SLC30A4: variants seen among roughly 807,000 people sequenced by gnomAD.
The protein encoded by SLC30A4 is probable proton-coupled zinc antiporter SLC30A4.
In SLC30A4, 20 loss-of-function variants were observed where a neutral mutation model predicts 41.7. The observed-to-expected ratio is 0.48, with a 90% confidence interval of 0.34 to 0.70. The LOEUF (loss-of-function observed/expected upper bound fraction) is 0.70, where lower values mean the gene tolerates loss of function less well. Ranked by LOEUF, SLC30A4 falls within the 30% of genes least tolerant of loss-of-function variation. The pLI is 0.01. For missense variants in SLC30A4, 441 were observed against 529.3 expected (o/e 0.83, Z 1.64); for synonymous variants, 181 against 195.9 (o/e 0.92, Z 0.64).
At chr15:45,490,403 A>C (rs112225224) in intron 4 of SLC30A4, among the ~76,000 whole-genome samples, 5 of 152,308 alleles carry the variant, frequency 3.3e-5, no homozygotes, top group African/African-American at 1.2e-4. Flanking sequence ...TTAAACTTTC[A>C]AAACTTTCTT....
intron 3 of SLC30A4, among the ~76,000 whole-genome samples, chr15:45,500,651 T>C (rs181516229): frequency 7.3e-5 from 11 of 151,414 alleles, no homozygotes; most frequent in Non-Finnish European, 4.4e-5. Context: ...TATCTATCTA[T>C]CTATCTATCT....
chr15:45,494,593 A>G (rs1891874395), intron 3 of SLC30A4, among the ~76,000 whole-genome samples: 1 of 152,118 alleles, frequency 6.6e-6, no homozygotes, highest in Non-Finnish European at 1.5e-5. Context: ...GCTGAGGCAC[A>G]AGAATTGCTT....
At chr15:45,507,823 G>C (rs995257278) in intron 3 of SLC30A4, among the ~76,000 whole-genome samples, 4 of 151,946 alleles carry the variant, frequency 2.6e-5, no homozygotes, top group African/African-American at 9.7e-5. Flanking sequence ...CTTTCCTTTA[G>C]GGTTAATTTT....
chr15:45,514,438 TTGA>T lies in SLC30A4; in HGVS notation c.392-3157_392-3155del, dbSNP rs976151347. Among the ~76,000 whole-genome samples the T allele has an allele frequency of 1.2e-3, 179 of 151,820 alleles. 2 individuals are homozygous for T. Among genetic ancestry groups the T allele is most frequent in the Middle Eastern group, 3.2e-3 (1 of 316 alleles). On this transcript the variant is annotated intron_variant, in intron 2 of 7. Transcript: ENST00000261867. ...ACTTCCTAAACCATAAACTATAGTG[TTGA>T]TGATTTCGTAGCCTTTGCTTTCTTT... is the stretch of plus-strand genomic sequence containing the variant.
intron 2 of SLC30A4, among the ~76,000 whole-genome samples, chr15:45,516,436 T>TCAA (rs1892478709): frequency 6.6e-6 from 1 of 152,202 alleles, no homozygotes; most frequent in African/African-American, 2.4e-5. Flanking sequence ...CTGGCTTAGG[T>TCAA]GTTTGCTTTC....
At chr15:45,510,493 C>T (rs1456239373) in intron 3 of SLC30A4, among the ~76,000 whole-genome samples, 1 of 152,154 alleles carries the variant, frequency 6.6e-6, no homozygotes, top group African/African-American at 2.4e-5. Flanking sequence ...TTGAGTCTGA[C>T]ATCTGGGTAA....
At position 45,480,831 on chromosome 15, in the gene SLC30A4, T is replaced by G. The variant is rs1891591874; in HGVS notation, c.*4332A>C. On this transcript the variant is annotated 3_prime_UTR_variant, in exon 8 of 8. Transcript: ENST00000261867. ...TGGCTGAGAAACACGACCCAAAGTCTTCTTAGCAATGATATTCACTGGTGG... is the reference window on the plus strand; with the variant it reads ...TGGCTGAGAAACACGACCCAAAGTCGTCTTAGCAATGATATTCACTGGTGG... 6.6e-6 allele frequency: 1 copy of G among 152,270 alleles called. No homozygotes were observed. The allele number at this position is 152,270 out of a possible 1,614,324, so 9.4% of individuals were successfully genotyped here.
At chr15:45,498,638 G>A (rs893650968) in intron 3 of SLC30A4, among the ~76,000 whole-genome samples, 3 of 152,036 alleles carry the variant, frequency 2.0e-5, no homozygotes, top group South Asian at 2.1e-4. Context: ...TCAAGCTGAC[G>A]TCTAGCTATC....
chr15:45,518,585 G>GAC (rs10659572), intron 2 of SLC30A4, among the ~76,000 whole-genome samples: 31,302 of 151,818 alleles, frequency 0.21, 4,716 homozygotes, highest in African/African-American at 0.43. Context: ...TTCTTTTTGA[G>GAC]AGAGTCTCAC....
chr15:45,517,879 C>A (rs905747610), intron 2 of SLC30A4, among the ~76,000 whole-genome samples: 7 of 151,598 alleles, frequency 4.6e-5, no homozygotes, highest in Non-Finnish European at 1.0e-4. Context: ...ACCCGGGAGG[C>A]AGAGCTTGCA....
intron 3 of SLC30A4, among the ~76,000 whole-genome samples, chr15:45,492,212 CAAAA>C (rs1163243140): frequency 1.5e-5 from 1 of 68,002 alleles, no homozygotes; most frequent in East Asian, 4.9e-4. Context: ...CTGTAGCATC[CAAAA>C]AAAAAAAAAA....
chr15:45,485,098 C>T lies in SLC30A4; in HGVS notation c.*65G>A. On this transcript the variant is annotated 3_prime_UTR_variant, in exon 8 of 8. Transcript: ENST00000261867. Reference sequence around the variant, plus strand: ...GATTCCATTTTCTCATTTAGGTTTGCATTTATTGCTCTCAAGTCTGTGACT... The same window carrying T: ...GATTCCATTTTCTCATTTAGGTTTGTATTTATTGCTCTCAAGTCTGTGACT... The T allele has an allele frequency of 7.6e-7, 1 of 1,312,540 alleles. No homozygotes were observed. Among genetic ancestry groups the T allele is most frequent in the Non-Finnish European group, 1.1e-6 (1 of 931,050 alleles). The allele number at this position is 1,312,540 out of a possible 1,614,324, so 81.3% of individuals were successfully genotyped here.
rs778841000 is a variant in SLC30A4 at position 45,522,234 on chromosome 15, A to T, written c.121T>A (p.Ser41Thr). 6.2e-7 allele frequency: 1 copy of T among 1,614,224 alleles called. No homozygotes were observed. The highest frequency in any genetic ancestry group is 8.5e-7 in the Non-Finnish European group (1 of 1,180,042). Residue 41 changes from serine (S) to threonine (T), a missense_variant, in exon 2 of 8, where the codon TCT becomes ACT. Physicochemically the swap from Ser to Thr is moderately conservative, Grantham distance 58. Around this residue, in one of 3 missense-constraint regions of SLC30A4, gnomAD observed 312 missense variants for 341.9 expected, o/e 0.91. Transcript: ENST00000261867. ...ACAACTCGAAGTTTGTTGAACCGAG[A>T]AAGCCCCTCGTCCCCCGCCTCATCC... ...FSDEAGDEGLSRFNKLRVVVA... is the reference protein window; with the variant it reads ...FSDEAGDEGLTRFNKLRVVVA...
intron 2 of SLC30A4, among the ~76,000 whole-genome samples, chr15:45,521,539 TA>T (rs554242164): frequency 1.6e-3 from 237 of 144,250 alleles, no homozygotes; most frequent in Admixed American, 3.6e-3. Flanking sequence ...TCCTTACATG[TA>T]AAAAAAAAAA....
At chr15:45,512,437 A>G (rs1892325515) in intron 2 of SLC30A4, 1 of 152,204 alleles carries the variant, frequency 6.6e-6, no homozygotes, top group Non-Finnish European at 1.5e-5. Flanking sequence ...GTACAGCAGA[A>G]CTGCATGATC....
intron 2 of SLC30A4, among the ~76,000 whole-genome samples, chr15:45,520,468 T>C (rs1892632446): frequency 6.6e-6 from 1 of 152,096 alleles, no homozygotes; most frequent in South Asian, 2.1e-4. Context: ...AGAGACAAGG[T>C]TTCACCATGT....
Position 45,522,466 on chromosome 15 carries a change from A to G in SLC30A4, c.-112T>C, listed in dbSNP as rs1892706340. The G allele has an allele frequency of 2.9e-6, 3 of 1,035,246 alleles. No individual in the cohort carries two copies. The South Asian group carries it at 5.1e-5, about 17-fold the overall frequency. The allele number at this position is 1,035,246 out of a possible 1,614,324, so 64.1% of individuals were successfully genotyped here. On this transcript the variant is annotated splice_region_variant and 5_prime_UTR_variant, in exon 2 of 8. The change abolishes an upstream ATG in the 5' untranslated region. Transcript: ENST00000261867. ...AGGGCAGTGCCGCGCGTCCCTCCCC[A>G]TCCTGTGGAAAACGAAACACGTTAT...
chr15:45,522,199 A>C lies in SLC30A4; in HGVS notation c.156T>G (p.Asp52Glu), dbSNP rs779701896. 2.5e-6 allele frequency: 4 copies of C among 1,614,206 alleles called. No individual in the cohort carries two copies. The East Asian group carries it at 8.9e-5, about 36-fold the overall frequency. ...GCCTTTCCGGGGCTTCGGAACCGTCATCGGCCACCACAACTCGAAGTTTGT... is the reference window on the plus strand; with the variant it reads ...GCCTTTCCGGGGCTTCGGAACCGTCCTCGGCCACCACAACTCGAAGTTTGT... ...RFNKLRVVVA[D>E]DGSEAPERPV... Residue 52 changes from aspartate (D) to glutamate (E), a missense_variant, in exon 2 of 8, where the codon GAT becomes GAG. By Grantham distance (45) the Asp-to-Glu change is conservative. Around this residue, in one of 3 missense-constraint regions of SLC30A4, gnomAD observed 312 missense variants for 341.9 expected, o/e 0.91. Coordinates refer to ENST00000261867, the MANE Select transcript of SLC30A4 (RefSeq NM_013309.6).
At chr15:45,497,743 T>C (rs1474324447) in intron 3 of SLC30A4, among the ~76,000 whole-genome samples, 1 of 152,216 alleles carries the variant, frequency 6.6e-6, no homozygotes, top group Non-Finnish European at 1.5e-5. Flanking sequence ...GTTTTCAAGG[T>C]TCACATGAAA....
Sources: allele counts gnomAD v4.1 joint callset (sites outside exome capture counted in the v4.1 genomes callset), GRCh38; gene constraint gnomAD v4.1.1; regional missense constraint gnomAD v4.1.1; transcripts MANE v1.5; gene names NCBI Gene and HGNC (gene_info 2026-07-23, HGNC 2026-07-21).